HNRNPM: variants seen among roughly 807,000 people sequenced by gnomAD.
The protein encoded by HNRNPM is CEA receptor.
Under a neutral mutation model 73.1 loss-of-function variants are expected in HNRNPM, and 11 were observed. The observed-to-expected ratio is 0.15, with a 90% CI of 0.09 to 0.25. HNRNPM has a LOEUF of 0.25. HNRNPM is among the 10% of genes least tolerant of loss of function. The probability of loss-of-function intolerance (pLI) is 1.00; values close to 1 mark genes in which losing one functional copy is unlikely to be tolerated. For synonymous variants in HNRNPM, 407 were observed against 355.2 expected (o/e 1.15, Z -1.64); for missense variants, 789 against 1,067.9 (o/e 0.74, Z 3.64).
rs1555707168 is a variant in HNRNPM, at chr19:8,479,096, T to TTTTC, written c.1121-4059_1121-4058insCTTT. The stretch of plus-strand genomic sequence containing the variant: ...TTTCTTTCTTTTTTTTTTTTTTTTT[T>TTTTC]TTTTTTCAAGACAGAGTCTCGCTTT... On this transcript the variant is annotated intron_variant, in intron 12 of 15. Coordinates refer to ENST00000325495, the MANE Select transcript of HNRNPM (RefSeq NM_005968.5). Among the ~76,000 whole-genome samples the TTTTC allele has an allele frequency of 7.2e-4, 92 of 126,918 alleles. 1 individual carries two copies. Among genetic ancestry groups the TTTTC allele is most frequent in the Admixed American group, 1.7e-3 (19 of 11,268 alleles). The allele number at this position is 126,918 out of a possible 152,430, so 83.3% of individuals were successfully genotyped here.
At chr19:8,446,597 C>T (rs532324564) in intron 1 of HNRNPM, among the ~76,000 whole-genome samples, 5 of 152,076 alleles carry the variant, frequency 3.3e-5, no homozygotes. Context: ...GAGAGGAGGT[C>T]TCCGGGTGTT....
At chr19:8,452,265 A>G (rs1464426963) in intron 1 of HNRNPM, among the ~76,000 whole-genome samples, 1 of 152,248 alleles carries the variant, frequency 6.6e-6, no homozygotes, top group Non-Finnish European at 1.5e-5. Flanking sequence ...AAGACTGGAA[A>G]TAATTCATCA....
chr19:8,464,210 A>T (rs1469050353), intron 5 of HNRNPM, among the ~76,000 whole-genome samples: 12 of 150,546 alleles, frequency 8.0e-5, no homozygotes, highest in Non-Finnish European at 1.8e-4. Context: ...GCACCATTGC[A>T]CTCCAGCCCG....
rs780668980 is a variant in HNRNPM, at chr19:8,485,957, G to T, written c.1529G>T (p.Arg510Leu). The T allele has an allele frequency of 1.9e-6, 3 of 1,606,406 alleles. No individual in the cohort carries two copies. The highest frequency in any genetic ancestry group is 2.5e-6 in the Non-Finnish European group (3 of 1,179,414). Residue 510 changes from arginine to leucine, a missense_variant, in exon 14 of 16, where the codon CGC (arginine) becomes CTC (leucine). Physicochemically the swap from Arg to Leu is moderately radical, Grantham distance 102. This residue lies in a region of HNRNPM where 604 missense variants were observed against 744.0 expected (regional missense o/e 0.81). Coordinates refer to ENST00000325495, the MANE Select transcript of HNRNPM (RefSeq NM_005968.5). Reference sequence around the variant, plus strand: ...GACCGTGTGGGCCAGACCATTGAGCGCATGGGCTCTGGCGTGGAGCGCATG... The same window carrying T: ...GACCGTGTGGGCCAGACCATTGAGCTCATGGGCTCTGGCGTGGAGCGCATG... ...PIDRVGQTIERMGSGVERMGP... is the reference protein window; with the variant it reads ...PIDRVGQTIELMGSGVERMGP...
intron 14 of HNRNPM, 151 bp from the exon 15 acceptor site, chr19:8,486,873 C>G: frequency 2.8e-6 from 2 of 722,428 alleles, no homozygotes; most frequent in East Asian, 2.5e-5. Flanking sequence ...CCACATGTAT[C>G]TATTAGTTTC....
intron 12 of HNRNPM, among the ~76,000 whole-genome samples, chr19:8,479,971 C>A (rs753208676): frequency 4.1e-5 from 6 of 147,340 alleles, no homozygotes; most frequent in Non-Finnish European, 6.0e-5. Context: ...GATGGGGTTT[C>A]ACCATCTTGG....
chr19:8,472,354 CCCTCTATCCCA>C (rs1970207870), intron 10 of HNRNPM, among the ~76,000 whole-genome samples: 1 of 151,836 alleles, frequency 6.6e-6, no homozygotes, highest in Non-Finnish European at 1.5e-5. Context: ...ATATGGAAGC[CCCTCTATCCCA>C]CCATTGTCAG....
chr19:8,474,205 G>A lies in HNRNPM; in HGVS notation c.1081G>A (p.Gly361Ser). ...GPFGGGMENM[G>S]RFGSGMNMGR... ...CTTTGGTGGTGGTATGGAAAACATGGGTCGATTTGGATCTGGGATGAACAT... is the reference window on the plus strand; with the variant it reads ...CTTTGGTGGTGGTATGGAAAACATGAGTCGATTTGGATCTGGGATGAACAT... The change falls in exon 12 of 16, where the codon GGT becomes AGT. Residue 361 changes from glycine to serine, a missense_variant. Gly to Ser is a moderately conservative substitution (Grantham distance 56). Transcript: ENST00000325495. 6.3e-7 allele frequency: 1 copy of A among 1,597,864 alleles called. No homozygotes were observed. The highest frequency in any genetic ancestry group is 8.5e-7 in the Non-Finnish European group (1 of 1,173,326).
At chr19:8,488,486 G>T (rs906189232) in intron 15 of HNRNPM, 5 of 452,270 alleles carry the variant, frequency 1.1e-5, no homozygotes, top group East Asian at 9.7e-5. Flanking sequence ...CATTGAATCC[G>T]CCAGGAAGGC....
At chr19:8,454,970 TAG>T (rs1968901814) in intron 1 of HNRNPM, among the ~76,000 whole-genome samples, 1 of 152,056 alleles carries the variant, frequency 6.6e-6, no homozygotes, top group Non-Finnish European at 1.5e-5. Context: ...AAACCAACAT[TAG>T]TCTTGTCTTT....
At chr19:8,463,394 T>C in intron 3 of HNRNPM, 103 bp from the exon 4 acceptor site, 1 of 1,281,796 alleles carries the variant, frequency 7.8e-7, no homozygotes, top group South Asian at 1.2e-5. Context: ...GTGACATAAA[T>C]CATATTTTTA....
intron 5 of HNRNPM, among the ~76,000 whole-genome samples, chr19:8,464,455 G>A (rs1969604279): frequency 6.6e-6 from 1 of 152,000 alleles, no homozygotes; most frequent in Non-Finnish European, 1.5e-5. Flanking sequence ...CCAACATGGT[G>A]AAACCCTGTC....
chr19:8,447,746 G>T (rs998732556), intron 1 of HNRNPM, among the ~76,000 whole-genome samples: 1 of 152,120 alleles, frequency 6.6e-6, no homozygotes, highest in Non-Finnish European at 1.5e-5. Context: ...AACAAAACAG[G>T]CTGGGCCCGG....
At chr19:8,446,335 C>T (rs1466724135) in intron 1 of HNRNPM, among the ~76,000 whole-genome samples, 2 of 152,174 alleles carry the variant, frequency 1.3e-5, no homozygotes, top group Non-Finnish European at 2.9e-5. Flanking sequence ...CTGTCTGTGA[C>T]TTTGCCTTCC....
At position 8,448,534 on chromosome 19, in the gene HNRNPM, G is replaced by C. The variant is rs538031370; in HGVS notation, c.113+3423G>C. On this transcript the variant is annotated intron_variant, in intron 1 of 15. Transcript: ENST00000325495. The stretch of plus-strand genomic sequence containing the variant: ...TGCCCAGGCTGGAGTGCAGTGGCGC[G>C]ATCTCAGCTCACTGCAAGCTCCGTG... 6.1e-5 allele frequency among the ~76,000 whole-genome samples: 9 copies of C among 147,236 alleles called. No homozygotes were observed. The South Asian group carries it at 1.7e-3, about 28-fold the overall frequency.
intron 12 of HNRNPM, among the ~76,000 whole-genome samples, chr19:8,481,086 C>T (rs1221155870): frequency 1.3e-5 from 2 of 152,150 alleles, no homozygotes; most frequent in African/African-American, 4.8e-5. Flanking sequence ...TGCTCCTTTC[C>T]ATAGTGCTTT....
At chr19:8,473,856 T>G (rs530167399) in intron 11 of HNRNPM, 148 bp downstream of exon 11, 1 of 640,950 alleles carries the variant, frequency 1.6e-6, no homozygotes, top group East Asian at 2.8e-5. Flanking sequence ...CTGTCCATCC[T>G]TCCAGCGGGT....
intron 12 of HNRNPM, among the ~76,000 whole-genome samples, chr19:8,475,480 G>A (rs1188595453): frequency 1.3e-5 from 2 of 152,232 alleles, no homozygotes; most frequent in South Asian, 2.1e-4. Flanking sequence ...AACAAAGGAT[G>A]TGAAAATGGT....
In HNRNPM at chr19:8,466,088, T is replaced by G. The variant is rs1969724748; in HGVS notation, c.631-147T>G. On this transcript the variant is annotated intron_variant, in intron 6 of 15. Transcript: ENST00000325495. The stretch of plus-strand genomic sequence containing the variant: ...AAGGCCAGGCTTTATAATCCTATTT[T>G]AAAATTTCCATTGCAGTTGATTAGT... 5.5e-6 allele frequency: 4 copies of G among 726,404 alleles called. No homozygotes were observed. The East Asian group carries it at 1.1e-4, about 19-fold the overall frequency. 45.0% of individuals were successfully genotyped at this position (726,404 alleles called of 1,614,324 possible). A position where few individuals can be genotyped will look rare whatever the true frequency, so the allele number is the denominator to read the frequency against.
Sources: allele counts gnomAD v4.1 joint callset (sites outside exome capture counted in the v4.1 genomes callset), GRCh38; gene constraint gnomAD v4.1.1; regional missense constraint gnomAD v4.1.1; transcripts MANE v1.5; gene names NCBI Gene and HGNC (gene_info 2026-07-23, HGNC 2026-07-21).